PLOD3: variants seen among roughly 807,000 people sequenced by gnomAD.
The protein encoded by PLOD3 is procollagen-lysine,2-oxoglutarate 5-dioxygenase 3, also known as multifunctional procollagen lysine hydroxylase and glycosyltransferase LH3.
PLOD3 carries 73 observed loss-of-function variants against 96.9 expected under a neutral mutation model. That is an observed-to-expected ratio of 0.75 (90% CI 0.62 to 0.92). The LOEUF is 0.92. PLOD3 is among the 40% of genes least tolerant of loss of function. The pLI is 0.00. For missense variants in PLOD3, 1,004 were observed against 1,004.3 expected, an observed-to-expected ratio of 1.00 and a Z score of 0.00; for synonymous variants, 454 against 413.7, an observed-to-expected ratio of 1.10 and a Z score of -1.18.
In PLOD3 at chr7:101,212,522, A is replaced by T. The variant is rs1798200886; in HGVS notation, c.1005+8T>A. 1.2e-6 allele frequency: 2 copies of T among 1,613,080 alleles called. No homozygotes were observed. ...CCCTCAGGAGAGGCTCCAACAGGGG[A>T]GTCTCACGTTGTTGTGCAGGAAAAG... On this transcript the variant is annotated splice_region_variant and intron_variant, in intron 9 of 18. Coordinates refer to ENST00000223127, the MANE Select transcript of PLOD3 (RefSeq NM_001084.5).
Position 101,212,932 on chromosome 7 carries a change from G to C in PLOD3, c.789C>G (p.Asn263Lys). 6.2e-7 allele frequency: 1 copy of C among 1,612,962 alleles called. No individual in the cohort carries two copies. Among genetic ancestry groups the C allele is most frequent in the Non-Finnish European group, 8.5e-7 (1 of 1,179,002 alleles). ...HGNGPTKLQL[N>K]YLGNYVPNGW... is the part of the protein sequence containing the mutation. ...CATTGGGGACGTAGTTTCCCAGGTA[G>C]TTGAGCTGCAGCTGTTGGGGACAGA... The change falls in exon 8 of 19, where the codon AAC (asparagine) becomes AAG (lysine). Residue 263 changes from asparagine (N) to lysine (K), a missense_variant. Transcript: ENST00000223127.
chr7:101,212,553 C>A lies in PLOD3; in HGVS notation c.982G>T (p.Val328Phe). 6.2e-7 allele frequency: 1 copy of A among 1,613,754 alleles called. No homozygotes were observed. Among genetic ancestry groups the A allele is most frequent in the Non-Finnish European group, 8.5e-7 (1 of 1,179,870 alleles). Residue 328 changes from valine (V) to phenylalanine (F), a missense_variant, in exon 9 of 19, where the codon GTC (valine) becomes TTC (phenylalanine). By Grantham distance (50) the Val-to-Phe change is conservative. Transcript: ENST00000223127. The part of the protein sequence containing the change: ...LLLLDYPPDR[V>F]TLFLHNNEVF... ...ACGTTGTTGTGCAGGAAAAGGGTGA[C>A]CCTGTCGGGGGGATAGTCCAGGAGT...
chr7:101,213,136 T>C lies in PLOD3; in HGVS notation c.748A>G (p.Ile250Val), dbSNP rs149421464. 39 of 1,613,428 alleles carry C rather than the reference T, an allele frequency of 2.4e-5. No homozygotes were observed. The African/African-American group carries it at 4.0e-4, about 17-fold the overall frequency. The change falls in exon 7 of 19, where the codon ATT (isoleucine) becomes GTT (valine). Residue 250 changes from isoleucine to valine, a missense_variant. Ile to Val is a conservative substitution (Grantham distance 29). This residue lies in a region of PLOD3 where 690 missense variants were observed against 650.2 expected (regional missense o/e 1.06). Coordinates refer to ENST00000223127, the MANE Select transcript of PLOD3 (RefSeq NM_001084.5). ...IRNVAYDTLP[I>V]VVHGNGPTKL... ...GTGGGACCGTTTCCATGGACCACAA[T>C]GGGGAGCGTGTCGTAGGCCACGTTC...
intron 1 of PLOD3, 152 bp downstream of exon 1, chr7:101,217,014 G>C: frequency 1.1e-6 from 1 of 922,112 alleles, no homozygotes; most frequent in Non-Finnish European, 1.6e-6. Context: ...GGGTAGTGAT[G>C]GGCGAGGGGC....
At chr7:101,208,457 T>C in intron 16 of PLOD3, 2 of 337,772 alleles carry the variant, frequency 5.9e-6, no homozygotes, top group South Asian at 2.4e-5. Flanking sequence ...GTCAGGCTGG[T>C]CTCGAACTCC....
intron 1 of PLOD3, 42 bp from the exon 2 acceptor site, chr7:101,216,828 C>T (rs553940829): frequency 2.2e-6 from 3 of 1,354,302 alleles, no homozygotes; most frequent in East Asian, 4.7e-5. Context: ...CACCGCCCAG[C>T]TCCGGGCCTC....
intron 12 of PLOD3, chr7:101,210,986 T>C (rs948753123): frequency 1.4e-5 from 5 of 350,952 alleles, no homozygotes; most frequent in Non-Finnish European, 1.6e-5. Context: ...GTTCAAGCAA[T>C]TCTCCCACCT....
chr7:101,211,854 C>T lies in PLOD3; in HGVS notation c.1224G>A (p.Glu408=), dbSNP rs763263302. 6.2e-7 allele frequency: 1 copy of T among 1,611,920 alleles called. No homozygotes were observed. The highest frequency in any genetic ancestry group is 8.5e-7 in the Non-Finnish European group (1 of 1,178,886). Residue 408 remains glutamate, a synonymous_variant, in exon 11 of 19, where the codon GAG becomes GAA. Transcript: ENST00000223127. ...GAGAGGGGGTAAGCCACCTGTTCTC[C>T]TCAATGAGGATACGCAGGGTCTGCA... ...TNLQTLRILI[E]ENRKVIAPML... is the part of the protein sequence containing the mutation.
rs765849561 is a variant in PLOD3, at chr7:101,216,441, G to T, written c.307C>A (p.Arg103=). 1.2e-6 allele frequency: 2 copies of T among 1,614,068 alleles called. No homozygotes were observed. Among genetic ancestry groups the T allele is most frequent in the Admixed American group, 3.3e-5 (2 of 60,002 alleles). The part of the protein sequence containing the change: ...LKKEMEKYAD[R]EDMIIMFVDS... ...ACAAACATGATGATCATATCCTCCC[G>T]GTCAGCGTATTTCTCCATTTCCTTC... Residue 103 remains arginine, a synonymous_variant, in exon 3 of 19, where the codon CGG becomes AGG. Coordinates refer to ENST00000223127, the MANE Select transcript of PLOD3 (RefSeq NM_001084.5).
Position 101,211,841 on chromosome 7 carries a change from G to C in PLOD3, c.1232+5C>G, listed in dbSNP as rs1232660918. On this transcript the variant is annotated splice_donor_5th_base_variant and intron_variant, in intron 11 of 18. Coordinates refer to ENST00000223127, the MANE Select transcript of PLOD3 (RefSeq NM_001084.5). ...CTCCGGCTGCGGGGAGAGGGGGTAA[G>C]CCACCTGTTCTCCTCAATGAGGATA... The C allele has an allele frequency of 6.2e-7, 1 of 1,608,862 alleles. No homozygotes were observed.
chr7:101,206,562 G>A (rs1798088383), intron 18 of PLOD3, 126 bp from the exon 19 acceptor site: 1 of 1,005,302 alleles, frequency 9.9e-7, no homozygotes, highest in Non-Finnish European at 1.5e-6. Context: ...CAAGGGAGAT[G>A]GCAGATATGG....
intron 6 of PLOD3, among the ~76,000 whole-genome samples, chr7:101,214,065 C>T (rs562949659): frequency 6.6e-6 from 1 of 151,756 alleles, no homozygotes; most frequent in South Asian, 2.1e-4. Flanking sequence ...AAACTTCTGA[C>T]TTCATGATCT....
chr7:101,213,142 G>C lies in PLOD3; in HGVS notation c.742C>G (p.Leu248Val). The change falls in exon 7 of 19, where the codon CTC becomes GTC. Residue 248 changes from leucine (L) to valine (V), a missense_variant. Leu to Val is a conservative substitution (Grantham distance 32). Transcript: ENST00000223127. ...VRIRNVAYDT[L>V]PIVVHGNGPT... ...CCGTTTCCATGGACCACAATGGGGAGCGTGTCGTAGGCCACGTTCCGGATA... is the reference window on the plus strand; with the variant it reads ...CCGTTTCCATGGACCACAATGGGGACCGTGTCGTAGGCCACGTTCCGGATA... The C allele has an allele frequency of 6.2e-7, 1 of 1,613,312 alleles. No homozygotes were observed. The highest frequency in any genetic ancestry group is 1.1e-5 in the South Asian group (1 of 91,066).
rs1411577003 is a variant in PLOD3, at chr7:101,217,311, G to A, written c.-37C>T. 7.2e-7 allele frequency: 1 copy of A among 1,386,650 alleles called. No homozygotes were observed. Among genetic ancestry groups the A allele is most frequent in the East Asian group, 2.9e-5 (1 of 34,926 alleles). The allele number at this position is 1,386,650 out of a possible 1,614,324, so 85.9% of individuals were successfully genotyped here. ...GGCCCAGACAGCACCCAGGATCCTG[G>A]GATCTCCGCTACGCGCCTGGATCCC... On this transcript the variant is annotated 5_prime_UTR_variant, in exon 1 of 19. Transcript: ENST00000223127.
In PLOD3 at chr7:101,206,148, T is replaced by TA; in HGVS notation, c.*132_*133insT. The TA allele has an allele frequency of 1.0e-6, 1 of 964,728 alleles. No individual in the cohort carries two copies. Among genetic ancestry groups the TA allele is most frequent in the Non-Finnish European group, 1.7e-6 (1 of 593,918 alleles). The allele number at this position is 964,728 out of a possible 1,614,324, so 59.8% of individuals were successfully genotyped here. ...CGTGTCTTGGGAGCAAGGTGACATA[T>TA]TCAGTTCAGGCACGCGGAACATGAA... On this transcript the variant is annotated 3_prime_UTR_variant, in exon 19 of 19. Transcript: ENST00000223127.
At chr7:101,207,251 C>T (rs1406111903) in intron 17 of PLOD3, among the ~76,000 whole-genome samples, 3 of 152,120 alleles carry the variant, frequency 2.0e-5, no homozygotes, top group African/African-American at 7.2e-5. Context: ...GCTGGGATTA[C>T]ATGTGTGAGC....
chr7:101,216,272 C>G lies in PLOD3; in HGVS notation c.393G>C (p.Gln131His). 6.2e-7 allele frequency: 1 copy of G among 1,613,650 alleles called. No homozygotes were observed. The highest frequency in any genetic ancestry group is 1.1e-5 in the South Asian group (1 of 91,088). The change falls in exon 4 of 19, where the codon CAG (glutamine) becomes CAC (histidine). Residue 131 changes from glutamine (Q) to histidine (H), a missense_variant. Gln to His is a conservative substitution (Grantham distance 24). Around this residue, in one of 5 missense-constraint regions of PLOD3, gnomAD observed 690 missense variants for 650.2 expected, o/e 1.06. Coordinates refer to ENST00000223127, the MANE Select transcript of PLOD3 (RefSeq NM_001084.5). The part of the protein sequence containing the change: ...SPTELLKKFV[Q>H]SGSRLLFSAE... Reference sequence around the variant, plus strand: ...CAGAGAAGAGCAGGCGGCTGCCACTCTGGACGAACTTCTTCAGCAGCTCTG... The same window carrying G: ...CAGAGAAGAGCAGGCGGCTGCCACTGTGGACGAACTTCTTCAGCAGCTCTG...
In PLOD3 at chr7:101,211,878, C is replaced by T. The variant is rs1024461944; in HGVS notation, c.1200G>A (p.Leu400=). 34 of 1,612,736 alleles carry T rather than the reference C, an allele frequency of 2.1e-5. No individual in the cohort carries two copies. Among genetic ancestry groups the T allele is most frequent in the East Asian group, 4.5e-5 (2 of 44,872 alleles). ...SLDADAVLTN[L]QTLRILIEEN... ...CCTCAATGAGGATACGCAGGGTCTG[C>T]AGGTTGGTGAGGACAGCGTCGGCGT... is the stretch of plus-strand genomic sequence containing the variant. Residue 400 remains leucine, a synonymous_variant, in exon 11 of 19, where the codon CTG becomes CTA. Coordinates refer to ENST00000223127, the MANE Select transcript of PLOD3 (RefSeq NM_001084.5).
At position 101,210,090 on chromosome 7, in the gene PLOD3, C is replaced by T. The variant is rs1389355116; in HGVS notation, c.1683+3G>A. Reference sequence around the variant, plus strand: ...GGTGGGTGGGGAGGCTGCGTGGGCTCACCTGCTCCACGATTCCTTCCCCTT... The same window carrying T: ...GGTGGGTGGGGAGGCTGCGTGGGCTTACCTGCTCCACGATTCCTTCCCCTT... On this transcript the variant is annotated splice_donor_region_variant and intron_variant, in intron 15 of 18. Coordinates refer to ENST00000223127, the MANE Select transcript of PLOD3 (RefSeq NM_001084.5). 9 of 1,585,004 alleles carry T rather than the reference C, an allele frequency of 5.7e-6. No individual in the cohort carries two copies. Among genetic ancestry groups the T allele is most frequent in the Non-Finnish European group, 7.7e-6 (9 of 1,164,500 alleles).
Sources: gnomAD v4.1 joint callset for allele counts (sites outside exome capture counted in the v4.1 genomes callset) on GRCh38, gnomAD v4.1.1 for gene constraint, gnomAD v4.1.1 regional missense constraint, MANE v1.5 for transcripts, NCBI Gene and HGNC (gene_info 2026-07-23, HGNC 2026-07-21) for gene names.